The following SYNDIG1 variants were observed in gnomAD, a reference collection of about 807,000 sequenced individuals.
SYNDIG1 encodes synapse differentiation inducing 1.
In SYNDIG1, 9 loss-of-function variants were observed where a neutral mutation model predicts 19.4. The observed-to-expected ratio is 0.46, with a 90% CI of 0.28 to 0.81. SYNDIG1 has a LOEUF of 0.81. SYNDIG1 is among the 30% of genes least tolerant of loss of function. The pLI is 0.12. For missense variants in SYNDIG1, 311 were observed against 343.3 expected (o/e 0.91, Z 0.74); for synonymous variants, 141 against 145.9 (o/e 0.97, Z 0.24).
chr20:24,497,403 G>A (rs1469114558), intron 1 of SYNDIG1, among the ~76,000 whole-genome samples: 1 of 152,180 alleles, frequency 6.6e-6, no homozygotes, highest in African/African-American at 2.4e-5. Context: ...GTTTCACCAT[G>A]TTGGTCAGGC....
intron 3 of SYNDIG1, among the ~76,000 whole-genome samples, chr20:24,661,647 G>A (rs2059605136): frequency 6.6e-6 from 1 of 151,886 alleles, no homozygotes; most frequent in Admixed American, 6.5e-5. Flanking sequence ...CTGGCCTTCA[G>A]CATGCCAGCA....
intron 1 of SYNDIG1, among the ~76,000 whole-genome samples, chr20:24,502,697 T>C (rs2056484874): frequency 6.6e-6 from 1 of 152,270 alleles, no homozygotes; most frequent in Non-Finnish European, 1.5e-5. Flanking sequence ...GTTAAGAACA[T>C]GCTAATTTGC....
In SYNDIG1 at chr20:24,583,154, T is replaced by C. The variant is rs370046253; in HGVS notation, c.481-1702T>C. On this transcript the variant is annotated intron_variant, in intron 2 of 3. Coordinates refer to ENST00000376862, the MANE Select transcript of SYNDIG1 (RefSeq NM_024893.3). ...TTTACTTGTGTTTAATTAACAAAAA[T>C]GGGAAAGGGAGCCGTGGTCACCTGT... 3.5e-4 allele frequency among the ~76,000 whole-genome samples: 54 copies of C among 152,216 alleles called. 1 individual carries two copies. In the East Asian group the frequency reaches 6.0e-3, roughly 17 times the overall value.
At chr20:24,537,582 G>A (rs1032390598) in intron 1 of SYNDIG1, among the ~76,000 whole-genome samples, 4 of 152,090 alleles carry the variant, frequency 2.6e-5, no homozygotes, top group African/African-American at 9.7e-5. Flanking sequence ...TCTCGGTATG[G>A]TATACACTCC....
At chr20:24,661,385 A>AG (rs2059587457) in intron 3 of SYNDIG1, among the ~76,000 whole-genome samples, 1 of 133,854 alleles carries the variant, frequency 7.5e-6, no homozygotes, top group Non-Finnish European at 1.6e-5. Flanking sequence ...AGAGGGAGGG[A>AG]GGAAAGAGGG....
At chr20:24,527,186 C>T (rs1245799969) in intron 1 of SYNDIG1, among the ~76,000 whole-genome samples, 1 of 152,152 alleles carries the variant, frequency 6.6e-6, no homozygotes, top group Non-Finnish European at 1.5e-5. Context: ...TTGCTGTCTC[C>T]TATCTTTTTT....
chr20:24,494,512 G>A (rs1250505757), intron 1 of SYNDIG1, among the ~76,000 whole-genome samples: 4 of 152,196 alleles, frequency 2.6e-5, no homozygotes, highest in Admixed American at 6.5e-5. Flanking sequence ...TGGACAGGGC[G>A]CCTGGTGCTG....
chr20:24,635,535 T>C (rs967162408), intron 3 of SYNDIG1, among the ~76,000 whole-genome samples: 5 of 152,240 alleles, frequency 3.3e-5, no homozygotes, highest in African/African-American at 1.2e-4. Flanking sequence ...CTGTGCTGGT[T>C]GGGTCTTGCC....
intron 3 of SYNDIG1, among the ~76,000 whole-genome samples, chr20:24,637,437 G>T (rs775958123): frequency 6.6e-6 from 1 of 152,146 alleles, no homozygotes; most frequent in African/African-American, 2.4e-5. Flanking sequence ...GGCCCATAAA[G>T]ACAACCCTCT....
chr20:24,522,821 G>T (rs2057033134), intron 1 of SYNDIG1, among the ~76,000 whole-genome samples: 1 of 152,198 alleles, frequency 6.6e-6, no homozygotes, highest in East Asian at 1.9e-4. Flanking sequence ...AGAAGGGGAA[G>T]TGGCAGCCAA....
chr20:24,549,864 T>C (rs1396452358), intron 2 of SYNDIG1, among the ~76,000 whole-genome samples: 2 of 152,188 alleles, frequency 1.3e-5, no homozygotes, highest in South Asian at 2.1e-4. Context: ...TCCCCTGGAC[T>C]TGGGCCACCC....
intron 1 of SYNDIG1, among the ~76,000 whole-genome samples, chr20:24,494,802 A>G (rs766369383): frequency 1.2e-4 from 19 of 152,168 alleles, no homozygotes; most frequent in Non-Finnish European, 2.6e-4. Flanking sequence ...AGCCTTCCCC[A>G]TGTACTGAGA....
At chr20:24,501,859 G>A (rs2056462705) in intron 1 of SYNDIG1, among the ~76,000 whole-genome samples, 1 of 152,176 alleles carries the variant, frequency 6.6e-6, no homozygotes, top group Non-Finnish European at 1.5e-5. Flanking sequence ...GTACCCACTG[G>A]GCACTCACCT....
chr20:24,642,470 T>C (rs1023520994), intron 3 of SYNDIG1, among the ~76,000 whole-genome samples: 7 of 152,122 alleles, frequency 4.6e-5, no homozygotes, highest in Non-Finnish European at 7.3e-5. Context: ...GGGTGGAAAA[T>C]ACTTTATCAC....
At chr20:24,584,827 T>C (rs1296134297) in intron 2 of SYNDIG1, 29 bp from the exon 3 acceptor site, 1 of 1,613,796 alleles carries the variant, frequency 6.2e-7, no homozygotes, top group African/African-American at 1.3e-5. Context: ...TCTTCTCTCC[T>C]GTCCTGTCCT....
intron 2 of SYNDIG1, among the ~76,000 whole-genome samples, chr20:24,565,265 C>G (rs1479072561): frequency 6.6e-6 from 1 of 152,212 alleles, no homozygotes; most frequent in Non-Finnish European, 1.5e-5. Context: ...GAACATTCCT[C>G]AGTTACAATG....
At chr20:24,516,080 A>C (rs1235763510) in intron 1 of SYNDIG1, among the ~76,000 whole-genome samples, 12 of 152,274 alleles carry the variant, frequency 7.9e-5, no homozygotes, top group Non-Finnish European at 7.4e-5. Flanking sequence ...CAAAAACAAG[A>C]AATGGGGAAA....
chr20:24,533,875 TG>T (rs2057310357), intron 1 of SYNDIG1, among the ~76,000 whole-genome samples: 1 of 152,172 alleles, frequency 6.6e-6, no homozygotes, highest in South Asian at 2.1e-4. Context: ...CCATTTTGCA[TG>T]GCTATAAAGG....
chr20:24,638,443 C>T (rs1418199772), intron 3 of SYNDIG1, among the ~76,000 whole-genome samples: 1 of 152,318 alleles, frequency 6.6e-6, no homozygotes, highest in Admixed American at 6.5e-5. Context: ...CATCCTCCAC[C>T]TCCTGAGCTC....
Sources: gnomAD v4.1 joint callset for allele counts (sites outside exome capture counted in the v4.1 genomes callset) on GRCh38, gnomAD v4.1.1 for gene constraint, MANE v1.5 for transcripts, NCBI Gene and HGNC (gene_info 2026-07-23, HGNC 2026-07-21) for gene names.